DLG2: variants seen among roughly 807,000 people sequenced by gnomAD.
DLG2 encodes the protein discs large MAGUK scaffold protein 2.
A neutral mutation model predicts 132.5 loss-of-function variants in DLG2; 45 were observed. The ratio of observed to expected loss-of-function variants is 0.34; its 90% CI spans 0.27 to 0.44. The LOEUF is 0.44. DLG2 is among the 20% of genes least tolerant of loss of function. The probability of loss-of-function intolerance (pLI) is 1.00; values close to 1 mark genes in which losing one functional copy is unlikely to be tolerated. For synonymous variants in DLG2, 424 were observed against 419.6 expected (o/e 1.01, Z -0.13); for missense variants, 1,045 against 1,196.9 (o/e 0.87, Z 1.87).
chr11:84,737,268 T>A (rs2063961182), intron 6 of DLG2, among the ~76,000 whole-genome samples: 1 of 152,012 alleles, frequency 6.6e-6, no homozygotes, highest in African/African-American at 2.4e-5. Flanking sequence ...TATTTAGAAC[T>A]TTTTCCATCT....
chr11:85,529,304 A>G (rs2075024698), intron 3 of DLG2, among the ~76,000 whole-genome samples: 1 of 152,186 alleles, frequency 6.6e-6, no homozygotes, highest in Non-Finnish European at 1.5e-5. Flanking sequence ...AACAAAAAAT[A>G]AACCTTTGGT....
intron 6 of DLG2, among the ~76,000 whole-genome samples, chr11:84,744,129 A>G (rs2065049056): frequency 6.6e-6 from 1 of 152,158 alleles, no homozygotes; most frequent in African/African-American, 2.4e-5. Context: ...TTTAGGTTTT[A>G]TTGTTTTGTC....
intron 17 of DLG2, 85 bp downstream of exon 17, chr11:83,833,529 C>T: frequency 7.2e-7 from 1 of 1,392,740 alleles, no homozygotes; most frequent in Non-Finnish European, 9.8e-7. Context: ...AATTAAGGTG[C>T]TTTTGGTATC....
chr11:85,453,022 C>T (rs574500111), intron 3 of DLG2: 51 of 186,694 alleles, frequency 2.7e-4, no homozygotes, highest in East Asian at 7.7e-4. Context: ...GCTAAAGGCA[C>T]GGCCTTAGTC....
intron 6 of DLG2, among the ~76,000 whole-genome samples, chr11:84,776,413 TC>T (rs2153898264): frequency 6.6e-6 from 1 of 152,286 alleles, no homozygotes; most frequent in East Asian, 1.9e-4. Flanking sequence ...AGCCTTGGCC[TC>T]TAAAATAATG....
At chr11:83,479,277 T>A (rs971328845) in intron 22 of DLG2, among the ~76,000 whole-genome samples, 1 of 152,024 alleles carries the variant, frequency 6.6e-6, no homozygotes, top group Non-Finnish European at 1.5e-5. Context: ...CCCCTCTGAT[T>A]TTCCAAAGCC....
At chr11:84,736,985 G>A (rs2063918560) in intron 6 of DLG2, among the ~76,000 whole-genome samples, 1 of 151,950 alleles carries the variant, frequency 6.6e-6, no homozygotes. Flanking sequence ...TAAATATGAT[G>A]TTAGCTATAG....
intron 9 of DLG2, among the ~76,000 whole-genome samples, chr11:84,128,984 T>A (rs1203576095): frequency 6.6e-6 from 1 of 152,162 alleles, no homozygotes; most frequent in Non-Finnish European, 1.5e-5. Flanking sequence ...TTCAGCCTAA[T>A]GATGCTGAGC....
At chr11:84,827,277 G>T (rs2153988554) in intron 6 of DLG2, among the ~76,000 whole-genome samples, 1 of 151,600 alleles carries the variant, frequency 6.6e-6, no homozygotes, top group South Asian at 2.1e-4. Context: ...TAATAAAATG[G>T]GCTAGATAGG....
At chr11:83,710,173 T>A (rs915941016) in intron 18 of DLG2, among the ~76,000 whole-genome samples, 1 of 152,040 alleles carries the variant, frequency 6.6e-6, no homozygotes, top group Non-Finnish European at 1.5e-5. Flanking sequence ...GTACTTTTTT[T>A]TTTTTTTGAG....
intron 6 of DLG2, among the ~76,000 whole-genome samples, chr11:84,573,179 G>C (rs1204539955): frequency 6.6e-6 from 1 of 152,036 alleles, no homozygotes; most frequent in Non-Finnish European, 1.5e-5. Context: ...TTCAACATGT[G>C]GTAAGTGATT....
chr11:84,547,340 G>A (rs2099392172), intron 6 of DLG2, among the ~76,000 whole-genome samples: 1 of 152,096 alleles, frequency 6.6e-6, no homozygotes, highest in South Asian at 2.1e-4. Context: ...ATAACACATA[G>A]ACAGTTTATC....
chr11:84,725,109 A>G (rs1305166573), intron 6 of DLG2, among the ~76,000 whole-genome samples: 1 of 152,154 alleles, frequency 6.6e-6, no homozygotes, highest in African/African-American at 2.4e-5. Flanking sequence ...ATAAGAGACT[A>G]TGGCTTATTC....
At chr11:83,697,917 A>G (rs2082208834) in intron 18 of DLG2, among the ~76,000 whole-genome samples, 1 of 152,188 alleles carries the variant, frequency 6.6e-6, no homozygotes, top group Non-Finnish European at 1.5e-5. Flanking sequence ...AAGACTTGCA[A>G]TGGGTTTGGC....
chr11:85,236,572 T>A (rs1170933169), intron 4 of DLG2, among the ~76,000 whole-genome samples: 1 of 151,986 alleles, frequency 6.6e-6, no homozygotes, highest in African/African-American at 2.4e-5. Context: ...CCAAATACGG[T>A]CATATTCTGA....
chr11:84,876,093 T>C (rs1334808027), intron 6 of DLG2, among the ~76,000 whole-genome samples: 1 of 152,164 alleles, frequency 6.6e-6, no homozygotes, highest in African/African-American at 2.4e-5. Flanking sequence ...CTTGACATTT[T>C]CCAGAATTCT....
intron 3 of DLG2, among the ~76,000 whole-genome samples, chr11:85,357,722 ATATATATATATATATATATATATATATAT>A (rs2083835005): frequency 5.4e-4 from 1 of 1,844 alleles, no homozygotes; most frequent in African/African-American, 2.2e-3. Context: ...ATATATATAT[ATATATATATATATATATATATATATATAT>A]ATATATATAT....
chr11:84,721,303 C>T lies in DLG2; in HGVS notation c.358-186572G>A, dbSNP rs568984017. Among the ~76,000 whole-genome samples the T allele has an allele frequency of 7.2e-5, 11 of 152,272 alleles. No homozygotes were observed. In the South Asian group the frequency reaches 2.3e-3, roughly 32 times the overall value. Reference sequence around the variant, plus strand: ...CCTACGAGGTTGACTTCTGGTTCAGCGAGCCTACTCACTCCCTGGGTAGGG... The same window carrying T: ...CCTACGAGGTTGACTTCTGGTTCAGTGAGCCTACTCACTCCCTGGGTAGGG... On this transcript the variant is annotated intron_variant, in intron 6 of 27. Transcript: ENST00000376104.
chr11:85,590,632 A>T (rs2079254700), intron 3 of DLG2, among the ~76,000 whole-genome samples: 1 of 151,270 alleles, frequency 6.6e-6, no homozygotes, highest in East Asian at 1.9e-4. Context: ...TTTTTTTTAT[A>T]TTCTCTCTCT....
Sources: allele counts gnomAD v4.1 joint callset (sites outside exome capture counted in the v4.1 genomes callset), GRCh38; gene constraint gnomAD v4.1.1; transcripts MANE v1.5; gene names NCBI Gene and HGNC (gene_info 2026-07-23, HGNC 2026-07-21).